Variants in PIGF observed in about 807,000 individuals in gnomAD.
PIGF encodes phosphatidylinositol glycan anchor biosynthesis class F, also known as GPI ethanolamine phosphate transferase, stabilizing subunit.
A neutral mutation model predicts 26.0 loss-of-function variants in PIGF; 23 were observed. That is an observed-to-expected ratio of 0.88 (90% CI 0.64 to 1.25). The LOEUF (loss-of-function observed/expected upper bound fraction) is 1.25. Ranked by LOEUF, PIGF falls within the 50% of genes most tolerant of loss-of-function variation. The pLI is 0.00. For synonymous variants in PIGF, 93 were observed against 92.6 expected, an observed-to-expected ratio of 1.00 and a Z score of -0.03; for missense variants, 278 against 249.9, an observed-to-expected ratio of 1.11 and a Z score of -0.76.
At chr2:46,605,176 T>C (rs1000141548) in intron 4 of PIGF, among the ~76,000 whole-genome samples, 1 of 152,096 alleles carries the variant, frequency 6.6e-6, no homozygotes, top group African/African-American at 2.4e-5. Flanking sequence ...GAAGGCAAAC[T>C]CTAATGTTCA....
intron 4 of PIGF, among the ~76,000 whole-genome samples, chr2:46,607,801 T>G (rs1297209954): frequency 6.6e-6 from 1 of 152,098 alleles, no homozygotes; most frequent in Non-Finnish European, 1.5e-5. Flanking sequence ...TTCAAGTGAT[T>G]CTTGTGCCTC....
At chr2:46,608,461 T>C (rs921191619) in intron 4 of PIGF, among the ~76,000 whole-genome samples, 4 of 152,218 alleles carry the variant, frequency 2.6e-5, no homozygotes, top group African/African-American at 7.2e-5. Context: ...CTCGTCAATG[T>C]TGATATTTTT....
At position 46,588,081 on chromosome 2, in the gene PIGF, C is replaced by T. The variant is rs746671787; in HGVS notation, c.546+4394G>A. 10 of 1,583,778 alleles carry T rather than the reference C, an allele frequency of 6.3e-6. No individual in the cohort carries two copies. Among genetic ancestry groups the T allele is most frequent in the Admixed American group, 1.8e-5 (1 of 54,760 alleles). On this transcript the variant is annotated intron_variant, in intron 5 of 5. Transcript: ENST00000281382. The surrounding 1 kb of genome is among the most constrained non-coding windows in gnomAD (Gnocchi z 4.1). ...AAATGGGAGTAAAACCTACCTTGCA[C>T]TACGGTTGTCAGGATTAAGTTACTC...
chr2:46,587,407 C>T (rs965787167), intron 5 of PIGF, among the ~76,000 whole-genome samples: 3 of 150,834 alleles, frequency 2.0e-5, no homozygotes, highest in Non-Finnish European at 4.4e-5. Context: ...ATACATATTT[C>T]ACAAATACTA....
chr2:46,592,726 C>A (rs1173470750), intron 4 of PIGF, 143 bp from the exon 5 acceptor site: 2 of 581,540 alleles, frequency 3.4e-6, no homozygotes, highest in South Asian at 2.2e-5. Context: ...TACATATTTA[C>A]CATGAACTAT....
At chr2:46,582,037 A>G (rs558688869) in intron 5 of PIGF, 1 of 156,842 alleles carries the variant, frequency 6.4e-6, no homozygotes, top group Non-Finnish European at 1.4e-5. Flanking sequence ...GGAAAGACCT[A>G]GAATCCAAGC....
Position 46,612,226 on chromosome 2 carries a change from A to C in PIGF, c.437+2T>G, listed in dbSNP as rs1328805813. On this transcript the variant is annotated splice_donor_variant, in intron 4 of 5. Transcript: ENST00000281382. LOFTEE classifies it high-confidence loss of function. Reference sequence around the variant, plus strand: ...TCATTATAATATAAAATTAAAACTTACCCATTTCTACTGAACACTCTTAGC... The same window carrying C: ...TCATTATAATATAAAATTAAAACTTCCCCATTTCTACTGAACACTCTTAGC... 1 of 919,162 alleles carries C rather than the reference A, an allele frequency of 1.1e-6. No homozygotes were observed. Among genetic ancestry groups the C allele is most frequent in the East Asian group, 3.2e-5 (1 of 31,402 alleles). The allele number at this position is 919,162 out of a possible 1,614,324, so 56.9% of individuals were successfully genotyped here.
intron 4 of PIGF, among the ~76,000 whole-genome samples, chr2:46,601,822 A>C (rs1212035773): frequency 6.6e-6 from 1 of 151,968 alleles, no homozygotes; most frequent in Non-Finnish European, 1.5e-5. Context: ...GGTCTTATTG[A>C]ATGTTTTCAC....
chr2:46,598,568 CGTGA>C (rs1219342759), intron 4 of PIGF, among the ~76,000 whole-genome samples: 1 of 112,162 alleles, frequency 8.9e-6, no homozygotes, highest in East Asian at 2.3e-4. Flanking sequence ...CATCAGCTAT[CGTGA>C]GTGTTAATGT....
At chr2:46,594,226 G>A (rs1429745464) in intron 4 of PIGF, among the ~76,000 whole-genome samples, 1 of 152,200 alleles carries the variant, frequency 6.6e-6, no homozygotes, top group Non-Finnish European at 1.5e-5. Context: ...ACATGTGGCT[G>A]ACAATGATGA....
intron 4 of PIGF, among the ~76,000 whole-genome samples, chr2:46,595,924 G>A (rs1359645974): frequency 6.6e-6 from 1 of 151,918 alleles, no homozygotes; most frequent in Non-Finnish European, 1.5e-5. Flanking sequence ...GTTTCAATAA[G>A]ATTTATGTGG....
chr2:46,582,456 C>G (rs1669428215), intron 5 of PIGF: 1 of 152,176 alleles, frequency 6.6e-6, no homozygotes, highest in Non-Finnish European at 1.5e-5. Context: ...CTTGTTTGGT[C>G]TGCTGTGGAT....
chr2:46,605,393 ATCT>A (rs1260125437), intron 4 of PIGF, among the ~76,000 whole-genome samples: 1 of 152,134 alleles, frequency 6.6e-6, no homozygotes. Flanking sequence ...CTCCATAGTT[ATCT>A]ATGCACTGTG....
At chr2:46,604,587 T>C (rs1022915515) in intron 4 of PIGF, among the ~76,000 whole-genome samples, 2 of 152,010 alleles carry the variant, frequency 1.3e-5, no homozygotes, top group Non-Finnish European at 2.9e-5. Context: ...GAGGTCATTA[T>C]GTTAAATGAA....
At chr2:46,596,963 A>G (rs1394332604) in intron 4 of PIGF, among the ~76,000 whole-genome samples, 1 of 152,242 alleles carries the variant, frequency 6.6e-6, no homozygotes, top group Non-Finnish European at 1.5e-5. Flanking sequence ...GATGTTAAGA[A>G]CTGCCTCTTT....
intron 2 of PIGF, 95 bp from the exon 3 acceptor site, chr2:46,613,880 T>C (rs1157936353): frequency 1.9e-6 from 2 of 1,045,068 alleles, no homozygotes; most frequent in Non-Finnish European, 2.8e-6. Flanking sequence ...GTTCCCATAA[T>C]GTGTAAAACA....
intron 5 of PIGF, among the ~76,000 whole-genome samples, chr2:46,585,915 A>C (rs969530746): frequency 2.0e-5 from 3 of 152,152 alleles, no homozygotes; most frequent in African/African-American, 7.2e-5. Flanking sequence ...CTGGGACTAC[A>C]GGTGCCTGCC....
chr2:46,615,793 A>G (rs914637387), intron 1 of PIGF: 12 of 152,192 alleles, frequency 7.9e-5, no homozygotes, highest in African/African-American at 2.9e-4. Flanking sequence ...AGGGATCCCA[A>G]TGCTTCAGAA....
Position 46,581,230 on chromosome 2 carries a change from A to T in PIGF, c.*248T>A, listed in dbSNP as rs531888006. 1.3e-4 allele frequency: 132 copies of T among 985,580 alleles called. No individual in the cohort carries two copies. The highest frequency in any genetic ancestry group is 1.8e-4 in the Non-Finnish European group (126 of 681,602). 61.1% of individuals were successfully genotyped at this position (985,580 alleles called of 1,614,324 possible). ...CTGTCCTCAGAATTCTATAAAGTGT[A>T]TTAAGAATGTTCCTTAAAGGTTTAA... On this transcript the variant is annotated 3_prime_UTR_variant, in exon 6 of 6. Transcript: ENST00000281382.
Sources: gnomAD v4.1 joint callset for allele counts (sites outside exome capture counted in the v4.1 genomes callset) on GRCh38, gnomAD v4.1.1 for gene constraint, Gnocchi (gnomAD v3.1) non-coding constraint, MANE v1.5 for transcripts, NCBI Gene and HGNC (gene_info 2026-07-23, HGNC 2026-07-21) for gene names.